Variants in WDFY4 observed in about 807,000 individuals in gnomAD.
The protein encoded by WDFY4 is WDFY family member 4.
A neutral mutation model predicts 351.9 loss-of-function variants in WDFY4; 169 were observed. The observed-to-expected ratio is 0.48, with a 90% CI of 0.42 to 0.55. WDFY4 has a LOEUF of 0.55. WDFY4 is among the 20% of genes least tolerant of loss of function. WDFY4 has a pLI of 0.00. For synonymous variants in WDFY4, 1,622 were observed against 1,574.6 expected (o/e 1.03, Z -0.71); for missense variants, 3,803 against 3,935.6 (o/e 0.97, Z 0.90).
At chr10:48,865,719 T>TTTG (rs1159839917) in intron 39 of WDFY4, among the ~76,000 whole-genome samples, 27 of 152,128 alleles carry the variant, frequency 1.8e-4, no homozygotes, top group Non-Finnish European at 3.7e-4. Context: ...GTGGGTAGGT[T>TTTG]TTGTTGTTGT....
Position 48,727,675 on chromosome 10 carries a change from T to TGGTACG in WDFY4, c.971+19_971+24dup, listed in dbSNP as rs1337505257. On this transcript the variant is annotated intron_variant, in intron 7 of 61. Transcript: ENST00000325239. ...TGTTACTTCGGTAAGTGGCTGTGTT[T>TGGTACG]GGTACGGGGAGAGCACAGGACCACC... 1 of 1,551,422 alleles carries TGGTACG rather than the reference T, an allele frequency of 6.4e-7. No individual in the cohort carries two copies. The highest frequency in any genetic ancestry group is 8.7e-7 in the Non-Finnish European group (1 of 1,146,774).
chr10:48,774,490 T>A lies in WDFY4; in HGVS notation c.2586T>A (p.Ser862Arg). The change falls in exon 14 of 62, where the codon AGT becomes AGA. Residue 862 changes from serine (S) to arginine (R), a missense_variant. Physicochemically the swap from Ser to Arg is moderately radical, Grantham distance 110. This residue lies in a region of WDFY4 where 3,054 missense variants were observed against 3,148.6 expected (regional missense o/e 0.97). Coordinates refer to ENST00000325239, the MANE Select transcript of WDFY4 (RefSeq NM_001394531.1). ...LSEEIQCSLA[S>R]HIQSLVKSEK... Reference sequence around the variant, plus strand: ...AGGAGATCCAGTGCTCCCTGGCCAGTCATATCCAGTCCCTGGTGAAGTCGG... The same window carrying A: ...AGGAGATCCAGTGCTCCCTGGCCAGACATATCCAGTCCCTGGTGAAGTCGG... 1 of 1,551,718 alleles carries A rather than the reference T, an allele frequency of 6.4e-7. No homozygotes were observed.
intron 23 of WDFY4, 112 bp downstream of exon 23, chr10:48,791,029 A>G: frequency 2.2e-6 from 3 of 1,349,044 alleles, no homozygotes; most frequent in Non-Finnish European, 3.0e-6. Flanking sequence ...TGACTTCTAG[A>G]GAAGGGCAGC....
At chr10:48,970,460 G>A (rs1842290531) in intron 57 of WDFY4, among the ~76,000 whole-genome samples, 171 bp downstream of exon 57, 1 of 152,192 alleles carries the variant, frequency 6.6e-6, no homozygotes, top group Admixed American at 6.5e-5. Context: ...GAAGTGAGGT[G>A]CAGAGGGTGG....
At position 48,982,497 on chromosome 10, in the gene WDFY4, T is replaced by C; in HGVS notation, c.9489-12T>C. 6.7e-7 allele frequency: 1 copy of C among 1,498,724 alleles called. No homozygotes were observed. Among genetic ancestry groups the C allele is most frequent in the South Asian group, 1.3e-5 (1 of 77,064 alleles). 92.8% of individuals were successfully genotyped at this position (1,498,724 alleles called of 1,614,324 possible). On this transcript the variant is annotated splice_polypyrimidine_tract_variant and intron_variant, in intron 61 of 61. Coordinates refer to ENST00000325239, the MANE Select transcript of WDFY4 (RefSeq NM_001394531.1). ...CCCTCTAACGTTCTTGTCTTTTCTT[T>C]CTCTTCCCAAGAAACCACACCAAAC...
At position 48,966,689 on chromosome 10, in the gene WDFY4, T is replaced by G; in HGVS notation, c.8584+16T>G. On this transcript the variant is annotated intron_variant, in intron 55 of 61. Coordinates refer to ENST00000325239, the MANE Select transcript of WDFY4 (RefSeq NM_001394531.1). ...ACGGTCAAAGGTGATTCCCTGGCCA[T>G]GCATTGTTTGGTGTCCTGTCCCAGG... 6 of 1,550,036 alleles carry G rather than the reference T, an allele frequency of 3.9e-6. No homozygotes were observed. Among genetic ancestry groups the G allele is most frequent in the East Asian group, 2.4e-5 (1 of 40,878 alleles).
At chr10:48,913,375 G>A (rs1244432558) in intron 47 of WDFY4, 12 of 1,603,226 alleles carry the variant, frequency 7.5e-6, no homozygotes, top group Non-Finnish European at 8.5e-6. Context: ...CTGCCTCAGG[G>A]TCAGGTTCCA....
At chr10:48,829,485 A>G (rs1477225639) in intron 37 of WDFY4, among the ~76,000 whole-genome samples, 1 of 152,194 alleles carries the variant, frequency 6.6e-6, no homozygotes, top group Non-Finnish European at 1.5e-5. Context: ...AGGAAGCAGA[A>G]GCTCTGCCAC....
chr10:48,887,191 T>C (rs529833358), intron 43 of WDFY4, among the ~76,000 whole-genome samples: 1 of 152,340 alleles, frequency 6.6e-6, no homozygotes, highest in Admixed American at 6.5e-5. Context: ...GCAGGCACCA[T>C]GGAGGCTGTG....
At chr10:48,909,049 T>A (rs199845032) in intron 47 of WDFY4, among the ~76,000 whole-genome samples, 1 of 146,984 alleles carries the variant, frequency 6.8e-6, no homozygotes. Flanking sequence ...ATTTTTTTTT[T>A]AACTGAGAAT....
At chr10:48,974,718 C>T in intron 57 of WDFY4, 144 bp from the exon 58 acceptor site, 1 of 838,098 alleles carries the variant, frequency 1.2e-6, no homozygotes, top group Non-Finnish European at 1.8e-6. Context: ...CCCCCAGCTG[C>T]ACAGACAACA....
intron 24 of WDFY4, among the ~76,000 whole-genome samples, chr10:48,798,533 TC>T (rs2066949402): frequency 6.6e-6 from 1 of 152,162 alleles, no homozygotes; most frequent in Non-Finnish European, 1.5e-5. Context: ...AAAACTTAGT[TC>T]ATTTGAACAA....
chr10:48,719,801 T>A (rs759271235), intron 2 of WDFY4, among the ~76,000 whole-genome samples: 3 of 152,052 alleles, frequency 2.0e-5, no homozygotes, highest in Admixed American at 6.6e-5. Context: ...CGTGTTCAGG[T>A]GGATGTCTGA....
Position 48,713,399 on chromosome 10 carries a change from C to T in WDFY4, c.234+3433C>T, listed in dbSNP as rs564366476. Among the ~76,000 whole-genome samples, 11 of 152,372 alleles carry T rather than the reference C, an allele frequency of 7.2e-5. No individual in the cohort carries two copies. The South Asian group carries it at 1.7e-3, about 23-fold the overall frequency. ...CTTCCATATCTGACTCCTTCAAACA[C>T]GAGCACTGAACTTTCCTCTATCCCT... On this transcript the variant is annotated intron_variant, in intron 2 of 61. Coordinates refer to ENST00000325239, the MANE Select transcript of WDFY4 (RefSeq NM_001394531.1).
At chr10:48,877,469 A>G (rs1433330723) in intron 43 of WDFY4, among the ~76,000 whole-genome samples, 2 of 152,228 alleles carry the variant, frequency 1.3e-5, no homozygotes, top group African/African-American at 2.4e-5. Flanking sequence ...CTAACTTCCT[A>G]CTTTGACCTT....
intron 13 of WDFY4, among the ~76,000 whole-genome samples, chr10:48,770,337 A>C (rs778224239): frequency 6.6e-6 from 1 of 152,232 alleles, no homozygotes; most frequent in Non-Finnish European, 1.5e-5. Context: ...AGCAAAACCA[A>C]AACAAACCAG....
intron 34 of WDFY4, among the ~76,000 whole-genome samples, chr10:48,821,473 C>T (rs1290681045): frequency 1.3e-5 from 2 of 152,200 alleles, no homozygotes; most frequent in African/African-American, 4.8e-5. Context: ...GCAACCTCTT[C>T]CCATAAGGGA....
At chr10:48,826,603 T>C in intron 35 of WDFY4, 68 bp from the exon 36 acceptor site, 1 of 1,236,294 alleles carries the variant, frequency 8.1e-7, no homozygotes, top group Non-Finnish European at 1.1e-6. Context: ...TGTGGTAAAC[T>C]GGATCTGTAT....
intron 19 of WDFY4, among the ~76,000 whole-genome samples, chr10:48,781,278 A>ATGTGTG (rs577155140): frequency 1.5e-4 from 23 of 150,298 alleles, no homozygotes; most frequent in Non-Finnish European, 1.8e-4. Context: ...ATATATATAT[A>ATGTGTG]TGTGTGTGTG....
Sources: gnomAD v4.1 joint callset for allele counts (sites outside exome capture counted in the v4.1 genomes callset) on GRCh38, gnomAD v4.1.1 for gene constraint, gnomAD v4.1.1 regional missense constraint, MANE v1.5 for transcripts, NCBI Gene and HGNC (gene_info 2026-07-23, HGNC 2026-07-21) for gene names.